ABL2: variants seen among roughly 807,000 people sequenced by gnomAD.
ABL2 encodes ABL proto-oncogene 2, non-receptor tyrosine kinase, also known as tyrosine-protein kinase ABL2.
A neutral mutation model predicts 107.7 loss-of-function variants in ABL2; 49 were observed. The ratio of observed to expected loss-of-function variants is 0.45; its 90% CI spans 0.36 to 0.58. ABL2 has a LOEUF of 0.58. Among genes scored for constraint, ABL2 ranks in the 20% least tolerant of loss-of-function variants. The pLI is 0.00. For missense variants in ABL2, 1,245 were observed against 1,457.0 expected, an observed-to-expected ratio of 0.85 and a Z score of 2.37; for synonymous variants, 549 against 548.6, an observed-to-expected ratio of 1.00 and a Z score of -0.01.
intron 4 of ABL2, among the ~76,000 whole-genome samples, chr1:179,123,464 C>T (rs1655419888): frequency 6.6e-6 from 1 of 151,970 alleles, no homozygotes; most frequent in Admixed American, 6.6e-5. Context: ...GAGATCACGC[C>T]ACTGCATTCT....
In ABL2 at chr1:179,103,148, C is replaced by T. The variant is rs751132899; in HGVS notation, c.*4570G>A. 33 of 217,002 alleles carry T rather than the reference C, an allele frequency of 1.5e-4. No homozygotes were observed. Among genetic ancestry groups the T allele is most frequent in the Non-Finnish European group, 2.8e-4 (30 of 107,950 alleles). 13.4% of individuals were successfully genotyped at this position (217,002 alleles called of 1,614,324 possible). ...GTTCTGGAGTGAGTACACATTCTTACTTTTTAAAGATCGGAATTAAACCAA... is the reference window on the plus strand; with the variant it reads ...GTTCTGGAGTGAGTACACATTCTTATTTTTTAAAGATCGGAATTAAACCAA... On this transcript the variant is annotated 3_prime_UTR_variant, in exon 12 of 12. Coordinates refer to ENST00000502732, the MANE Select transcript of ABL2 (RefSeq NM_007314.4).
chr1:179,115,073 ATTAT>A (rs778822402), intron 8 of ABL2, 43 bp from the exon 9 acceptor site: 7 of 1,535,306 alleles, frequency 4.6e-6, no homozygotes, highest in Non-Finnish European at 6.1e-6. Flanking sequence ...TTCTTCTCCG[ATTAT>A]TTATTTTACA....
At chr1:179,110,652 G>A in intron 10 of ABL2, 197 bp from the exon 11 acceptor site, 9 of 1,539,698 alleles carry the variant, frequency 5.8e-6, no homozygotes, top group African/African-American at 1.4e-5. Flanking sequence ...CCACGCTGCT[G>A]CATGTGGCAG....
At position 179,104,742 on chromosome 1, in the gene ABL2, T is replaced by C. The variant is rs1051992317; in HGVS notation, c.*2976A>G. On this transcript the variant is annotated 3_prime_UTR_variant, in exon 12 of 12. Transcript: ENST00000502732. ...ATCTAAACTGAAGTAATATTATCTG[T>C]ACATGAAAGGAATCAAGCAGTGGCA... 4 of 216,434 alleles carry C rather than the reference T, an allele frequency of 1.8e-5. No individual in the cohort carries two copies. The highest frequency in any genetic ancestry group is 3.7e-5 in the Non-Finnish European group (4 of 107,502). The allele number at this position is 216,434 out of a possible 1,614,324, so 13.4% of individuals were successfully genotyped here.
intron 1 of ABL2, among the ~76,000 whole-genome samples, chr1:179,146,561 C>A (rs925250078): frequency 1.3e-5 from 2 of 151,890 alleles, no homozygotes; most frequent in African/African-American, 4.8e-5. Context: ...TGGCTGTGTC[C>A]CTACCCAAAA....
rs964455855 is a variant in ABL2, at chr1:179,105,698, G to C, written c.*2020C>G. 4.4e-6 allele frequency: 1 copy of C among 226,570 alleles called. No homozygotes were observed. Among genetic ancestry groups the C allele is most frequent in the Non-Finnish European group, 8.8e-6 (1 of 113,888 alleles). 14.0% of individuals were successfully genotyped at this position (226,570 alleles called of 1,614,324 possible). On this transcript the variant is annotated 3_prime_UTR_variant, in exon 12 of 12. Coordinates refer to ENST00000502732, the MANE Select transcript of ABL2 (RefSeq NM_007314.4). ...AATCCTCTTAACCTGGGCCTCCTTT[G>C]GAGCAGCAATGGTAAGAATCAAGGT...
intron 1 of ABL2, among the ~76,000 whole-genome samples, chr1:179,185,099 C>T (rs1660608664): frequency 6.6e-6 from 1 of 152,146 alleles, no homozygotes; most frequent in African/African-American, 2.4e-5. Flanking sequence ...TACACTGTGT[C>T]TCTACGTGAA....
At chr1:179,189,522 T>A (rs1434780839) in intron 1 of ABL2, among the ~76,000 whole-genome samples, 1 of 152,218 alleles carries the variant, frequency 6.6e-6, no homozygotes, top group Admixed American at 6.5e-5. Flanking sequence ...TACTCTTGTA[T>A]CATATTACAT....
At chr1:179,169,953 G>C (rs916941646) in intron 1 of ABL2, among the ~76,000 whole-genome samples, 6 of 151,988 alleles carry the variant, frequency 3.9e-5, no homozygotes, top group African/African-American at 1.5e-4. Context: ...CTTGAGTCCA[G>C]GATTTTAAGG....
intron 1 of ABL2, among the ~76,000 whole-genome samples, chr1:179,200,039 CTTTTTTTT>C (rs55873652): frequency 1.2e-5 from 1 of 84,104 alleles, no homozygotes; most frequent in Non-Finnish European, 2.2e-5. Context: ...CCCCCAATGC[CTTTTTTTT>C]TTTTTTTTTT....
At position 179,135,869 on chromosome 1, in the gene ABL2, G is replaced by A. The variant is rs1349683724; in HGVS notation, c.158-2495C>T. The stretch of plus-strand genomic sequence containing the variant: ...CAGCCTGGCCAGCCGCCCCGTCCAG[G>A]AGGTGAGGGGGCGCCTCTGCCCGGC... On this transcript the variant is annotated intron_variant, in intron 1 of 11. Transcript: ENST00000502732. Among the ~76,000 whole-genome samples, 332 of 148,238 alleles carry A rather than the reference G, an allele frequency of 2.2e-3. 1 individual carries two copies. The highest frequency in any genetic ancestry group is 7.6e-3 in the African/African-American group (304 of 40,224).
intron 4 of ABL2, among the ~76,000 whole-genome samples, chr1:179,124,495 G>A (rs989868946): frequency 5.7e-5 from 5 of 87,272 alleles, no homozygotes; most frequent in Non-Finnish European, 1.0e-4. Flanking sequence ...TTGAGACAGA[G>A]TCTCGCTCTG....
chr1:179,190,684 A>G (rs1052877505), intron 1 of ABL2, among the ~76,000 whole-genome samples: 10 of 151,998 alleles, frequency 6.6e-5, no homozygotes, highest in African/African-American at 2.4e-4. Flanking sequence ...CTTTCAGGTG[A>G]CCAGTCCCCA....
chr1:179,198,180 A>T (rs1273456520), intron 1 of ABL2, among the ~76,000 whole-genome samples: 7 of 151,812 alleles, frequency 4.6e-5, no homozygotes, highest in Admixed American at 4.6e-4. Flanking sequence ...GCCAAAAAAA[A>T]AAAAAAAAAA....
At chr1:179,178,168 C>T (rs946344729) in intron 1 of ABL2, among the ~76,000 whole-genome samples, 8 of 151,886 alleles carry the variant, frequency 5.3e-5, no homozygotes, top group African/African-American at 1.5e-4. Context: ...GAGGCTGAGG[C>T]GGATAGATCA....
At chr1:179,150,618 T>A (rs565061229) in intron 1 of ABL2, among the ~76,000 whole-genome samples, 3 of 152,240 alleles carry the variant, frequency 2.0e-5, no homozygotes, top group African/African-American at 7.2e-5. Flanking sequence ...AGATGGAATC[T>A]ATTCCTGGTA....
intron 5 of ABL2, 58 bp downstream of exon 5, chr1:179,121,537 C>A: frequency 6.4e-7 from 1 of 1,570,034 alleles, no homozygotes; most frequent in South Asian, 1.2e-5. Flanking sequence ...CTGATATTTC[C>A]AAGTGATTGA....
intron 1 of ABL2, among the ~76,000 whole-genome samples, chr1:179,207,206 TTCTA>T (rs1206837891): frequency 1.3e-5 from 2 of 151,848 alleles, no homozygotes; most frequent in East Asian, 3.9e-4. Flanking sequence ...CCACTAGCTG[TTCTA>T]TCTATCTGAA....
At chr1:179,170,620 G>A (rs1404617849) in intron 1 of ABL2, among the ~76,000 whole-genome samples, 2 of 151,830 alleles carry the variant, frequency 1.3e-5, no homozygotes, top group Non-Finnish European at 2.9e-5. Flanking sequence ...TTTTGAGAGG[G>A]AGTCTCGCTC....
Sources: gnomAD v4.1 joint callset for allele counts (sites outside exome capture counted in the v4.1 genomes callset) on GRCh38, gnomAD v4.1.1 for gene constraint, MANE v1.5 for transcripts, NCBI Gene and HGNC (gene_info 2026-07-23, HGNC 2026-07-21) for gene names.